The following DGKI variants were observed in gnomAD, a reference collection of about 807,000 sequenced individuals.
DGKI encodes the protein DAG kinase iota.
In DGKI, 55 loss-of-function variants were observed where a neutral mutation model predicts 147.5. The ratio of observed to expected loss-of-function variants is 0.37; its 90% CI spans 0.30 to 0.47. The LOEUF is 0.47. Among genes scored for constraint, DGKI ranks in the 20% least tolerant of loss-of-function variants. DGKI has a pLI of 1.00. For synonymous variants in DGKI, 469 were observed against 477.1 expected (o/e 0.98, Z 0.22); for missense variants, 1,007 against 1,323.8 (o/e 0.76, Z 3.71).
At chr7:137,480,368 A>G (rs1042082072) in intron 23 of DGKI, among the ~76,000 whole-genome samples, 1 of 152,180 alleles carries the variant, frequency 6.6e-6, no homozygotes, top group Non-Finnish European at 1.5e-5. Flanking sequence ...CCAGAAAACA[A>G]ATGGAGGAGG....
chr7:137,706,585 T>A (rs529204436), intron 1 of DGKI, among the ~76,000 whole-genome samples: 9 of 150,898 alleles, frequency 6.0e-5, no homozygotes, highest in South Asian at 4.2e-4. Flanking sequence ...TTTTATTTTT[T>A]TTTTTGAGAC....
rs190872121 is a variant in DGKI, at chr7:137,804,765, A to T, written c.401+41697T>A. Among the ~76,000 whole-genome samples the T allele has an allele frequency of 5.3e-5, 8 of 152,346 alleles. No individual in the cohort carries two copies. The East Asian group carries it at 1.5e-3, about 29-fold the overall frequency. ...TCACGGCAGAGCTTTGCCTGTCTAC[A>T]AAAAGAAATGGAAAATGATGTTTAT... On this transcript the variant is annotated intron_variant, in intron 1 of 32. Transcript: ENST00000614521.
intron 21 of DGKI, among the ~76,000 whole-genome samples, chr7:137,496,112 T>C (rs992576201): frequency 2.0e-5 from 3 of 152,214 alleles, no homozygotes; most frequent in Admixed American, 6.5e-5. Flanking sequence ...CAGTAAAGTT[T>C]CAGGATACAA....
intron 26 of DGKI, among the ~76,000 whole-genome samples, chr7:137,464,835 C>T (rs1429773174): frequency 6.6e-6 from 1 of 152,154 alleles, no homozygotes; most frequent in Non-Finnish European, 1.5e-5. Context: ...TCTGTGTACA[C>T]GATGTGCATT....
At chr7:137,830,614 A>G (rs796278881) in intron 1 of DGKI, among the ~76,000 whole-genome samples, 1 of 152,114 alleles carries the variant, frequency 6.6e-6, no homozygotes, top group South Asian at 2.1e-4. Flanking sequence ...TTGATTGAAA[A>G]CCACTTTTGG....
At chr7:137,803,831 G>A (rs1355656972) in intron 1 of DGKI, among the ~76,000 whole-genome samples, 3 of 152,208 alleles carry the variant, frequency 2.0e-5, no homozygotes, top group Admixed American at 6.5e-5. Context: ...AGGATTTGAA[G>A]GCTAAATGCA....
At chr7:137,597,193 A>AGT (rs1463079198) in intron 12 of DGKI, among the ~76,000 whole-genome samples, 4 of 152,204 alleles carry the variant, frequency 2.6e-5, no homozygotes, top group African/African-American at 9.6e-5. Flanking sequence ...GGGTGAGTAC[A>AGT]GTTAGCAACA....
intron 28 of DGKI, among the ~76,000 whole-genome samples, chr7:137,428,260 T>A (rs1322989520): frequency 6.6e-6 from 1 of 151,992 alleles, no homozygotes; most frequent in African/African-American, 2.4e-5. Flanking sequence ...TGCAAATCAA[T>A]AAGTGGAATC....
rs77969597 is a variant in DGKI, at chr7:137,708,650, T to C, written c.402-18648A>G. 6.0e-3 allele frequency among the ~76,000 whole-genome samples: 917 copies of C among 152,350 alleles called. 6 individuals are homozygous for C. Among genetic ancestry groups the C allele is most frequent in the African/African-American group, 0.021 (864 of 41,588 alleles). On this transcript the variant is annotated intron_variant, in intron 1 of 32. Transcript: ENST00000614521. ...AGGCTCAAAGTAATTGCTGTTTGTA[T>C]GGAAGTAAACAAAATACACATGGTC...
chr7:137,700,907 AAATAAATAAAT>A (rs1233569311), intron 1 of DGKI, among the ~76,000 whole-genome samples: 3 of 143,156 alleles, frequency 2.1e-5, no homozygotes, highest in Non-Finnish European at 4.8e-5. Flanking sequence ...ATAAATAAAT[AAATAAATAAAT>A]AAATAAAATA....
intron 6 of DGKI, among the ~76,000 whole-genome samples, chr7:137,632,627 G>C (rs1479427366): frequency 3.3e-5 from 5 of 152,136 alleles, no homozygotes; most frequent in Non-Finnish European, 7.4e-5. Context: ...GGGAGGCCAA[G>C]GCGGGCAGAT....
intron 8 of DGKI, among the ~76,000 whole-genome samples, chr7:137,612,979 T>C (rs1474145052): frequency 6.6e-6 from 1 of 152,146 alleles, no homozygotes; most frequent in Non-Finnish European, 1.5e-5. Flanking sequence ...TTCCTGTACT[T>C]CATACCAGGA....
chr7:137,846,195 A>G lies in DGKI; in HGVS notation c.401+267T>C, dbSNP rs1217331610. ...CACACACACACACACACACACACAC[A>G]CACACACAGACAAAATTTCTGTTGC... On this transcript the variant is annotated intron_variant, in intron 1 of 32. Transcript: ENST00000614521. This position sits in a 1 kb window ranked among gnomAD's most constrained non-coding sequence, Gnocchi z 4.0. Among the ~76,000 whole-genome samples, 1 of 150,140 alleles carries G rather than the reference A, an allele frequency of 6.7e-6. No individual in the cohort carries two copies. Among genetic ancestry groups the G allele is most frequent in the Non-Finnish European group, 1.5e-5 (1 of 67,838 alleles).
intron 6 of DGKI, among the ~76,000 whole-genome samples, chr7:137,638,799 T>C (rs967465584): frequency 6.6e-6 from 1 of 151,096 alleles, no homozygotes; most frequent in African/African-American, 2.4e-5. Context: ...GTTGTATGTA[T>C]ATATTTTTAT....
chr7:137,510,966 C>G (rs562009928), intron 21 of DGKI, among the ~76,000 whole-genome samples: 41 of 152,284 alleles, frequency 2.7e-4, no homozygotes, highest in African/African-American at 9.4e-4. Context: ...ACAGATGACT[C>G]CAGGAGACTG....
chr7:137,686,103 A>G (rs1040361858), intron 2 of DGKI, among the ~76,000 whole-genome samples: 5 of 152,192 alleles, frequency 3.3e-5, no homozygotes, highest in Non-Finnish European at 7.4e-5. Flanking sequence ...GCAGCCTGAA[A>G]TCTGACAGCC....
chr7:137,502,782 C>A (rs1816224818), intron 21 of DGKI, among the ~76,000 whole-genome samples: 1 of 152,110 alleles, frequency 6.6e-6, no homozygotes, highest in Non-Finnish European at 1.5e-5. Flanking sequence ...TACTCAAGAG[C>A]CCCTGTTCTG....
chr7:137,501,895 G>A (rs1414727996), intron 21 of DGKI, among the ~76,000 whole-genome samples: 2 of 152,252 alleles, frequency 1.3e-5, no homozygotes, highest in Non-Finnish European at 2.9e-5. Context: ...GAGGGACCTG[G>A]TGGGAGATGA....
intron 1 of DGKI, chr7:137,722,472 G>A (rs1794593851): frequency 5.6e-6 from 9 of 1,610,192 alleles, no homozygotes; most frequent in African/African-American, 1.3e-5. Context: ...GCAAGAGGGT[G>A]GTTTTCCTGA....
Sources: allele counts gnomAD v4.1 joint callset (sites outside exome capture counted in the v4.1 genomes callset), GRCh38; gene constraint gnomAD v4.1.1; non-coding constraint Gnocchi (gnomAD v3.1); transcripts MANE v1.5; gene names NCBI Gene and HGNC (gene_info 2026-07-23, HGNC 2026-07-21).